SKAP1: variants seen among roughly 807,000 people sequenced by gnomAD.
SKAP1 encodes src kinase-associated phosphoprotein 1.
SKAP1 carries 44 observed loss-of-function variants against 58.5 expected under a neutral mutation model. That is an observed-to-expected ratio of 0.75 (90% confidence interval 0.59 to 0.97). The LOEUF is 0.97. Ranked by LOEUF, SKAP1 falls within the 50% of genes least tolerant of loss-of-function variation. The pLI is 0.00. For missense variants in SKAP1, 390 were observed against 435.2 expected, an observed-to-expected ratio of 0.90 and a Z score of 0.92; for synonymous variants, 127 against 149.7, an observed-to-expected ratio of 0.85 and a Z score of 1.11.
At chr17:48,312,101 T>G (rs911600505) in intron 4 of SKAP1, among the ~76,000 whole-genome samples, 10 of 152,234 alleles carry the variant, frequency 6.6e-5, no homozygotes, top group Non-Finnish European at 1.5e-4. Flanking sequence ...CATTTAACAT[T>G]AACATACGAT....
chr17:48,198,563 C>T (rs1004209893), intron 4 of SKAP1, among the ~76,000 whole-genome samples: 4 of 146,738 alleles, frequency 2.7e-5, no homozygotes, highest in African/African-American at 9.9e-5. Context: ...TCAAAAATAA[C>T]TTATAGCTTA....
At chr17:48,146,530 A>G (rs1165038266) in intron 11 of SKAP1, among the ~76,000 whole-genome samples, 1 of 151,584 alleles carries the variant, frequency 6.6e-6, no homozygotes, top group East Asian at 1.9e-4. Context: ...CAAGAATCCT[A>G]ACTGCTTCCA....
Position 48,430,155 on chromosome 17 carries a change from G to C in SKAP1, c.-35C>G. 1 of 1,252,300 alleles carries C rather than the reference G, an allele frequency of 8.0e-7. No individual in the cohort carries two copies. The highest frequency in any genetic ancestry group is 1.0e-6 in the Non-Finnish European group (1 of 990,940). The allele number at this position is 1,252,300 out of a possible 1,614,324, so 77.6% of individuals were successfully genotyped here. A position where few individuals can be genotyped will look rare whatever the true frequency, so the allele number is the denominator to read the frequency against. On this transcript the variant is annotated 5_prime_UTR_variant, in exon 1 of 13. Transcript: ENST00000336915. ...CGGGAGAGAGGCGGGACGGGGCGCG[G>C]GCCCTGGTCGGGAGGCGGACGGGCT...
At chr17:48,367,550 G>GGATATATATCCATATATATATATATT (rs2067022593) in intron 2 of SKAP1, among the ~76,000 whole-genome samples, 1 of 136,174 alleles carries the variant, frequency 7.3e-6, no homozygotes, top group Non-Finnish European at 1.6e-5. Flanking sequence ...ATATATATAT[G>GGATATATATCCATATATATATATATT]GATATATATC....
intron 1 of SKAP1, among the ~76,000 whole-genome samples, chr17:48,403,188 C>A (rs1199389106): frequency 1.3e-5 from 2 of 149,504 alleles, no homozygotes; most frequent in African/African-American, 2.5e-5. Flanking sequence ...AAAATCAAGA[C>A]CCTGTCTCTA....
intron 4 of SKAP1, among the ~76,000 whole-genome samples, chr17:48,266,736 T>C (rs2065555988): frequency 6.6e-6 from 1 of 152,102 alleles, no homozygotes; most frequent in Non-Finnish European, 1.5e-5. Context: ...GGTCTCGATC[T>C]CTTGACCTCG....
intron 4 of SKAP1, among the ~76,000 whole-genome samples, chr17:48,246,386 T>G (rs2065297204): frequency 6.6e-6 from 1 of 152,232 alleles, no homozygotes; most frequent in African/African-American, 2.4e-5. Context: ...TACACCTTTG[T>G]GGGTATAGCC....
rs1400368290 is a variant in SKAP1, at chr17:48,327,253, CACTAAAGAGCAACA to C, written c.280+18638_280+18651del. On this transcript the variant is annotated intron_variant, in intron 4 of 12. Transcript: ENST00000336915. ...TTCAGAAGGGACACTAGGATCAACA[CACTAAAGAGCAACA>C]ACTGCTATTTATTTTTAAAAATTTT... Among the ~76,000 whole-genome samples the C allele has an allele frequency of 3.3e-5, 5 of 152,168 alleles. No homozygotes were observed. In the East Asian group the frequency reaches 9.6e-4, roughly 29 times the overall value.
chr17:48,299,482 G>A (rs2066029969), intron 4 of SKAP1, among the ~76,000 whole-genome samples: 1 of 152,074 alleles, frequency 6.6e-6, no homozygotes, highest in Non-Finnish European at 1.5e-5. Context: ...GTCACTCTGT[G>A]GCACATTAAG....
chr17:48,162,597 T>G, intron 10 of SKAP1, 28 bp from the exon 11 acceptor site: 1 of 1,559,302 alleles, frequency 6.4e-7, no homozygotes, highest in Non-Finnish European at 8.8e-7. Flanking sequence ...AAATCAAAGT[T>G]AAAAGGACTC....
intron 12 of SKAP1, 144 bp downstream of exon 12, chr17:48,137,085 T>C (rs1360701244): frequency 3.6e-6 from 2 of 553,484 alleles, no homozygotes; most frequent in East Asian, 2.9e-5. Flanking sequence ...GCATTTTCTT[T>C]CCATCAGTGG....
intron 4 of SKAP1, among the ~76,000 whole-genome samples, chr17:48,306,957 G>A (rs1044340506): frequency 3.9e-5 from 6 of 152,122 alleles, no homozygotes; most frequent in Non-Finnish European, 7.4e-5. Flanking sequence ...TGCAGGTAGC[G>A]GTAAAACCTT....
chr17:48,251,990 A>G (rs573001268), intron 4 of SKAP1, among the ~76,000 whole-genome samples: 92 of 152,324 alleles, frequency 6.0e-4, no homozygotes, highest in African/African-American at 1.3e-3. Flanking sequence ...TGATGCATGT[A>G]TTAAGTATTC....
intron 4 of SKAP1, among the ~76,000 whole-genome samples, chr17:48,211,128 G>A (rs1013504657): frequency 8.5e-5 from 13 of 152,082 alleles, no homozygotes; most frequent in Admixed American, 3.3e-4. Flanking sequence ...AAATAAAAAT[G>A]CCATTTAGCT....
chr17:48,287,171 T>TTTGG (rs1403924832), intron 4 of SKAP1, among the ~76,000 whole-genome samples: 1 of 151,932 alleles, frequency 6.6e-6, no homozygotes, highest in African/African-American at 2.4e-5. Flanking sequence ...AATTTCTTTA[T>TTTGG]CAAAGTTATT....
the SKAP1 span, among the ~76,000 whole-genome samples, chr17:48,441,208 T>G: frequency 6.6e-6 from 1 of 152,184 alleles, no homozygotes; most frequent in African/African-American, 2.4e-5. Flanking sequence ...AGGGAGCTGG[T>G]CCATAAGATT....
rs1350789362 is a variant in SKAP1 at position 48,396,672 on chromosome 17, A to G, written c.152+8T>C. The G allele has an allele frequency of 6.3e-7, 1 of 1,575,574 alleles. No individual in the cohort carries two copies. The highest frequency in any genetic ancestry group is 2.2e-5 in the East Asian group (1 of 44,586). On this transcript the variant is annotated splice_region_variant and intron_variant, in intron 2 of 12. Coordinates refer to ENST00000336915, the MANE Select transcript of SKAP1 (RefSeq NM_003726.4). ...TGAAGAAGATTAATGGAACCAGTTT[A>G]TACAAACCTGGCTTTGATTTGCTGA...
chr17:48,296,158 C>T (rs1223528988), intron 4 of SKAP1, among the ~76,000 whole-genome samples: 2 of 151,938 alleles, frequency 1.3e-5, no homozygotes, highest in African/African-American at 4.8e-5. Context: ...AGAGCCAGAG[C>T]CCAGCCTGTT....
At chr17:48,228,436 T>C (rs762088259) in intron 4 of SKAP1, among the ~76,000 whole-genome samples, 1 of 152,222 alleles carries the variant, frequency 6.6e-6, no homozygotes, top group Non-Finnish European at 1.5e-5. Flanking sequence ...TATAGGTTGG[T>C]TTCTGCTTTT....
Sources: allele counts gnomAD v4.1 joint callset (sites outside exome capture counted in the v4.1 genomes callset), GRCh38; gene constraint gnomAD v4.1.1; transcripts MANE v1.5; gene names NCBI Gene and HGNC (gene_info 2026-07-23, HGNC 2026-07-21).